SNTG2: variants seen among roughly 807,000 people sequenced by gnomAD.
The protein encoded by SNTG2 is syntrophin gamma 2, also known as gamma-2-syntrophin.
Under a neutral mutation model 70.9 loss-of-function variants are expected in SNTG2, and 74 were observed. The observed-to-expected ratio is 1.04, with a 90% CI of 0.86 to 1.27. SNTG2 has a LOEUF of 1.27. Ranked by LOEUF, SNTG2 falls within the 50% of genes most tolerant of loss-of-function variation. The probability of loss-of-function intolerance (pLI) is 0.00; values close to 1 mark genes in which losing one functional copy is unlikely to be tolerated. For missense variants in SNTG2, 717 were observed against 690.7 expected (o/e 1.04, Z -0.43); for synonymous variants, 278 against 273.8 (o/e 1.02, Z -0.15).
At chr2:1,249,065 G>C (rs1382521051) in intron 12 of SNTG2, among the ~76,000 whole-genome samples, 3 of 152,156 alleles carry the variant, frequency 2.0e-5, no homozygotes, top group Non-Finnish European at 4.4e-5. Flanking sequence ...GCGTCACAAA[G>C]TGTCCCTGGA....
At chr2:1,185,695 G>A (rs1672202178) in intron 8 of SNTG2, among the ~76,000 whole-genome samples, 1 of 152,166 alleles carries the variant, frequency 6.6e-6, no homozygotes, top group African/African-American at 2.4e-5. Flanking sequence ...AGGGAGCAGT[G>A]TCCCAAGATT....
chr2:1,099,357 G>A (rs1461496781), intron 4 of SNTG2, among the ~76,000 whole-genome samples: 2 of 152,188 alleles, frequency 1.3e-5, no homozygotes, highest in African/African-American at 4.8e-5. Flanking sequence ...CCACTGCAGG[G>A]GACCCCTGGC....
At chr2:1,292,100 A>G (rs1680016926) in intron 14 of SNTG2, among the ~76,000 whole-genome samples, 1 of 152,188 alleles carries the variant, frequency 6.6e-6, no homozygotes, top group African/African-American at 2.4e-5. Flanking sequence ...ATGCTATTGT[A>G]AATGAGATTG....
chr2:1,133,052 T>C (rs115851453), intron 4 of SNTG2, among the ~76,000 whole-genome samples: 279 of 152,332 alleles, frequency 1.8e-3, no homozygotes, highest in African/African-American at 6.4e-3. Context: ...GAATTTTGAC[T>C]CTGAGGCCCA....
Position 1,100,835 on chromosome 2 carries a change from G to A in SNTG2, c.325+2425G>A, listed in dbSNP as rs750774187. Among the ~76,000 whole-genome samples, 6 of 152,116 alleles carry A rather than the reference G, an allele frequency of 3.9e-5. No individual in the cohort carries two copies. The South Asian group carries it at 1.0e-3, about 26-fold the overall frequency. Reference sequence around the variant, plus strand: ...ACAGTAAGGTTAGCCAGTAGGTAACGTTCAGTAAAGGATGTTTATGGTCAA... The same window carrying A: ...ACAGTAAGGTTAGCCAGTAGGTAACATTCAGTAAAGGATGTTTATGGTCAA... On this transcript the variant is annotated intron_variant, in intron 4 of 16. Transcript: ENST00000308624.
chr2:971,704 C>T (rs6749846), intron 1 of SNTG2, among the ~76,000 whole-genome samples: 51,125 of 147,540 alleles, frequency 0.35, 9,536 homozygotes, highest in African/African-American at 0.46. Context: ...GCTTTGGGGT[C>T]AGTTTCCTCC....
intron 11 of SNTG2, among the ~76,000 whole-genome samples, chr2:1,243,980 CG>C (rs1677224803): frequency 6.6e-6 from 1 of 152,102 alleles, no homozygotes; most frequent in African/African-American, 2.4e-5. Context: ...GAGCCAAGAG[CG>C]TGCCACTGCA....
chr2:1,355,299 G>A (rs150590190), intron 16 of SNTG2, among the ~76,000 whole-genome samples: 12 of 152,232 alleles, frequency 7.9e-5, no homozygotes, highest in Non-Finnish European at 1.6e-4. Flanking sequence ...TGATCCCTGC[G>A]CCCCTTTATC....
chr2:1,084,936 C>A (rs921494319), intron 2 of SNTG2, among the ~76,000 whole-genome samples: 1 of 152,198 alleles, frequency 6.6e-6, no homozygotes. Flanking sequence ...CCACAGCCCA[C>A]ACCCCGGCAC....
At chr2:1,340,454 C>G (rs1396237082) in intron 16 of SNTG2, among the ~76,000 whole-genome samples, 2 of 152,138 alleles carry the variant, frequency 1.3e-5, no homozygotes, top group Non-Finnish European at 2.9e-5. Flanking sequence ...TTTTCTTTTC[C>G]AGGTTCTGTA....
At chr2:1,217,993 C>G (rs1674511503) in intron 9 of SNTG2, among the ~76,000 whole-genome samples, 2 of 152,054 alleles carry the variant, frequency 1.3e-5, no homozygotes, top group Non-Finnish European at 2.9e-5. Flanking sequence ...GTGTTCCCAT[C>G]TTCAAGGCTC....
chr2:1,060,913 G>A (rs1318616141), intron 1 of SNTG2, among the ~76,000 whole-genome samples: 54 of 151,994 alleles, frequency 3.6e-4, no homozygotes, highest in Non-Finnish European at 2.9e-5. Context: ...AAATTACAAA[G>A]GAAAAAATGG....
chr2:971,115 G>A (rs1187788084), intron 1 of SNTG2, among the ~76,000 whole-genome samples: 1 of 152,028 alleles, frequency 6.6e-6, no homozygotes, highest in East Asian at 1.9e-4. Context: ...TCCTTTTTTT[G>A]GTTATGTCTG....
In SNTG2 at chr2:1,357,623, C is replaced by T. The variant is rs375575751; in HGVS notation, c.1489-9720C>T. On this transcript the variant is annotated intron_variant, in intron 16 of 16. Coordinates refer to ENST00000308624, the MANE Select transcript of SNTG2 (RefSeq NM_018968.4). ...TTTTTCTTTAATGTTTGGTAGAATT[C>T]CCCAGTGGAGCCATCTCTTCCTCAT... 3.6e-3 allele frequency among the ~76,000 whole-genome samples: 546 copies of T among 152,174 alleles called. 5 individuals carry two copies. The highest frequency in any genetic ancestry group is 0.012 in the African/African-American group (498 of 41,556).
At chr2:1,015,530 C>A (rs895162325) in intron 1 of SNTG2, among the ~76,000 whole-genome samples, 1 of 152,124 alleles carries the variant, frequency 6.6e-6, no homozygotes, top group Non-Finnish European at 1.5e-5. Context: ...AAAAAAATCC[C>A]GTGGTACAGA....
intron 1 of SNTG2, among the ~76,000 whole-genome samples, chr2:1,039,529 C>T (rs1661313205): frequency 6.6e-6 from 1 of 152,072 alleles, no homozygotes; most frequent in East Asian, 1.9e-4. Flanking sequence ...GAAAATGCCC[C>T]CTAAGTAGGT....
chr2:1,207,322 T>C (rs1428064262), intron 8 of SNTG2, among the ~76,000 whole-genome samples: 1 of 152,234 alleles, frequency 6.6e-6, no homozygotes. Flanking sequence ...TGTTCCAATA[T>C]TGCCACTTTT....
chr2:1,084,830 C>T (rs1664574799), intron 2 of SNTG2, among the ~76,000 whole-genome samples: 1 of 152,102 alleles, frequency 6.6e-6, no homozygotes, highest in Non-Finnish European at 1.5e-5. Flanking sequence ...CCTTGGGTGG[C>T]GGGAGGAGGA....
rs190283284 is a variant in SNTG2, at chr2:1,157,825, T to A, written c.412-7723T>A. Among the ~76,000 whole-genome samples the A allele has an allele frequency of 3.0e-4, 45 of 152,300 alleles. 1 individual carries two copies. Among genetic ancestry groups the A allele is most frequent in the African/African-American group, 1.1e-3 (44 of 41,566 alleles). On this transcript the variant is annotated intron_variant, in intron 6 of 16. Coordinates refer to ENST00000308624, the MANE Select transcript of SNTG2 (RefSeq NM_018968.4). ...TGCTCAGCCTGCCCCGCGGGTGATATGAGCCCAGCACCGCAATGCTCTGGG... is the reference window on the plus strand; with the variant it reads ...TGCTCAGCCTGCCCCGCGGGTGATAAGAGCCCAGCACCGCAATGCTCTGGG...
Sources: gnomAD v4.1 joint callset for allele counts (sites outside exome capture counted in the v4.1 genomes callset) on GRCh38, gnomAD v4.1.1 for gene constraint, MANE v1.5 for transcripts, NCBI Gene and HGNC (gene_info 2026-07-23, HGNC 2026-07-21) for gene names.